Variants in DNAJC1 observed in about 807,000 individuals in gnomAD.
The protein encoded by DNAJC1 is dnaJ homolog subfamily C member 1.
A neutral mutation model predicts 76.6 loss-of-function variants in DNAJC1; 58 were observed. The ratio of observed to expected loss-of-function variants is 0.76; its 90% CI spans 0.61 to 0.94. DNAJC1 has a LOEUF of 0.94. Among genes scored for constraint, DNAJC1 ranks in the 40% least tolerant of loss-of-function variants. The pLI is 0.00. For synonymous variants in DNAJC1, 258 were observed against 267.9 expected (o/e 0.96, Z 0.36); for missense variants, 689 against 677.3 (o/e 1.02, Z -0.19).
At chr10:21,964,494 G>A (rs1590070366) in intron 1 of DNAJC1, among the ~76,000 whole-genome samples, 1 of 152,284 alleles carries the variant, frequency 6.6e-6, no homozygotes, top group East Asian at 1.9e-4. Flanking sequence ...TTACAGGCAT[G>A]AGCCACCATG....
chr10:21,797,903 G>A (rs1333143970), intron 9 of DNAJC1, among the ~76,000 whole-genome samples: 1 of 152,112 alleles, frequency 6.6e-6, no homozygotes, highest in Non-Finnish European at 1.5e-5. Context: ...CACCAGCACA[G>A]AACAAACTCA....
rs543643011 is a variant in DNAJC1, at chr10:21,816,211, C to T, written c.979-10112G>A. Among the ~76,000 whole-genome samples the T allele has an allele frequency of 2.2e-3, 334 of 149,698 alleles. 2 individuals carry two copies. Among genetic ancestry groups the T allele is most frequent in the African/African-American group, 7.9e-3 (320 of 40,724 alleles). ...GGTGAAACCCTGTCTCTACTAAAAA[C>T]ACAAAAATTAGGCAGACGTGAGCCT... is the stretch of plus-strand genomic sequence containing the variant. On this transcript the variant is annotated intron_variant, in intron 8 of 11. Coordinates refer to ENST00000376980, the MANE Select transcript of DNAJC1 (RefSeq NM_022365.4).
intron 9 of DNAJC1, among the ~76,000 whole-genome samples, chr10:21,786,447 TATATATATATATATATAGAGAGAGAG>T (rs1383291325): frequency 1.5e-4 from 17 of 112,902 alleles, no homozygotes; most frequent in African/African-American, 5.1e-4. Context: ...TATATATATA[TATATATATATATATATAGAGAGAGAG>T]AGAGAGAGAG....
At chr10:22,001,777 T>C (rs543860370) in intron 1 of DNAJC1, among the ~76,000 whole-genome samples, 4 of 152,338 alleles carry the variant, frequency 2.6e-5, no homozygotes, top group African/African-American at 9.6e-5. Context: ...TCTCTTTACG[T>C]ACAGAATGTA....
At chr10:21,888,016 A>C (rs991730892) in intron 7 of DNAJC1, among the ~76,000 whole-genome samples, 1 of 152,212 alleles carries the variant, frequency 6.6e-6, no homozygotes, top group Non-Finnish European at 1.5e-5. Flanking sequence ...AGGATCCATA[A>C]GGAACTTCAA....
At chr10:21,806,121 A>T (rs781586809) in intron 8 of DNAJC1, 22 bp from the exon 9 acceptor site, 3 of 1,583,716 alleles carry the variant, frequency 1.9e-6, no homozygotes, top group South Asian at 1.2e-5. Flanking sequence ...TAAAGAAAAT[A>T]AAAAAAGATA....
At chr10:21,854,552 G>A (rs1440983885) in intron 8 of DNAJC1, among the ~76,000 whole-genome samples, 1 of 151,906 alleles carries the variant, frequency 6.6e-6, no homozygotes, top group Non-Finnish European at 1.5e-5. Context: ...GGTGCATTTA[G>A]AGATACAGGA....
chr10:21,911,037 GAGAAAGGAAGGAAGGA>G (rs1280287162), intron 6 of DNAJC1, among the ~76,000 whole-genome samples: 4 of 108,404 alleles, frequency 3.7e-5, no homozygotes, highest in South Asian at 7.1e-4. Flanking sequence ...AAGAAAGAGA[GAGAAAGGAAGGAAGGA>G]AGGAAGGAAG....
At chr10:21,772,257 T>C (rs1834388775) in intron 9 of DNAJC1, among the ~76,000 whole-genome samples, 1 of 149,136 alleles carries the variant, frequency 6.7e-6, no homozygotes, top group Admixed American at 6.8e-5. Context: ...AGATGAGAAA[T>C]ATTCACCCCT....
chr10:21,900,488 A>G (rs1272720591), intron 7 of DNAJC1, among the ~76,000 whole-genome samples: 1 of 152,222 alleles, frequency 6.6e-6, no homozygotes, highest in Non-Finnish European at 1.5e-5. Context: ...GTACATACAC[A>G]GCATTATGAT....
At chr10:21,946,939 G>A (rs1285928530) in intron 1 of DNAJC1, among the ~76,000 whole-genome samples, 3 of 152,104 alleles carry the variant, frequency 2.0e-5, no homozygotes, top group Non-Finnish European at 4.4e-5. Flanking sequence ...CGGATTAATG[G>A]CATAAAAGGG....
chr10:21,933,938 A>G (rs78262222), intron 1 of DNAJC1, among the ~76,000 whole-genome samples: 2,093 of 152,300 alleles, frequency 0.014, 43 homozygotes, highest in African/African-American at 0.047. Context: ...GATAATAAGC[A>G]ACTATGTTAC....
intron 1 of DNAJC1, among the ~76,000 whole-genome samples, chr10:21,967,398 T>C (rs981327433): frequency 6.6e-6 from 1 of 152,244 alleles, no homozygotes; most frequent in African/African-American, 2.4e-5. Context: ...AGCAATATTC[T>C]TTTAAGCACT....
chr10:21,806,508 CTT>C (rs1032512466), intron 8 of DNAJC1, among the ~76,000 whole-genome samples: 1 of 145,830 alleles, frequency 6.9e-6, no homozygotes. Context: ...AGGGCTCTCT[CTT>C]TTTTTTTTTA....
Position 22,003,325 on chromosome 10 carries a change from A to AGCAGCAGCAGCC in DNAJC1, c.98_109dup (p.Leu36_Leu37insArgLeuLeuLeu), listed in dbSNP as rs1317194663. 6.6e-7 allele frequency: 1 copy of AGCAGCAGCAGCC among 1,518,270 alleles called. No individual in the cohort carries two copies. Among genetic ancestry groups the AGCAGCAGCAGCC allele is most frequent in the East Asian group, 2.7e-5 (1 of 36,602 alleles). The allele number at this position is 1,518,270 out of a possible 1,614,324, so 94.0% of individuals were successfully genotyped here. A position where few individuals can be genotyped will look rare whatever the true frequency, so the allele number is the denominator to read the frequency against. On this transcript the variant is annotated inframe_insertion, in exon 1 of 12. Transcript: ENST00000376980. ...CGCCGGCGCCACGGCGGCCAGCAGC[A>AGCAGCAGCAGCC]GCAGCAGCAGCCACAGCAGCGGCGT...
At position 22,003,598 on chromosome 10, in the gene DNAJC1, C is replaced by T. The variant is rs565871445; in HGVS notation, c.-164G>A. On this transcript the variant is annotated 5_prime_UTR_variant, in exon 1 of 12. Transcript: ENST00000376980. ...GCTGGCCCCAGACAGAGCGCGGAGG[C>T]GGCGGGAGCCGGCTGCCGGACGGGC... The T allele has an allele frequency of 2.8e-4, 220 of 795,468 alleles. No individual in the cohort carries two copies. The highest frequency in any genetic ancestry group is 7.6e-4 in the Admixed American group (17 of 22,388). 49.3% of individuals were successfully genotyped at this position (795,468 alleles called of 1,614,324 possible).
chr10:21,849,573 T>C (rs1835718539), intron 8 of DNAJC1, among the ~76,000 whole-genome samples: 2 of 151,898 alleles, frequency 1.3e-5, no homozygotes, highest in African/African-American at 4.8e-5. Flanking sequence ...TTCAAAATCT[T>C]AAAAAATCTG....
At chr10:21,918,977 G>A in intron 5 of DNAJC1, 105 bp from the exon 6 acceptor site, 2 of 737,570 alleles carry the variant, frequency 2.7e-6, no homozygotes, top group Admixed American at 2.5e-5. Context: ...TTTTGTGAAT[G>A]GCTACTTCAA....
intron 1 of DNAJC1, among the ~76,000 whole-genome samples, chr10:21,990,147 TA>T (rs1317417959): frequency 2.0e-5 from 3 of 152,222 alleles, no homozygotes; most frequent in Non-Finnish European, 4.4e-5. Context: ...CTGTGGCCTC[TA>T]TTATCAAAGA....
Sources: allele counts gnomAD v4.1 joint callset (sites outside exome capture counted in the v4.1 genomes callset), GRCh38; gene constraint gnomAD v4.1.1; transcripts MANE v1.5; gene names NCBI Gene and HGNC (gene_info 2026-07-23, HGNC 2026-07-21).